Variants in RERE observed in about 807,000 individuals in gnomAD.
RERE encodes arginine-glutamic acid dipeptide repeats, also known as arginine-glutamic acid dipeptide repeats protein.
Under a neutral mutation model 146.1 loss-of-function variants are expected in RERE, and 40 were observed. The ratio of observed to expected loss-of-function variants is 0.27; its 90% CI spans 0.21 to 0.36. RERE has a LOEUF of 0.36. Ranked by LOEUF, RERE falls within the 10% of genes least tolerant of loss-of-function variation. The pLI is 1.00. For missense variants in RERE, 1,933 were observed against 2,138.7 expected, an observed-to-expected ratio of 0.90 and a Z score of 1.90; for synonymous variants, 1,003 against 866.0, an observed-to-expected ratio of 1.16 and a Z score of -2.78.
chr1:8,675,098 C>G (rs1292091382), intron 1 of RERE, among the ~76,000 whole-genome samples: 1 of 152,098 alleles, frequency 6.6e-6, no homozygotes, highest in Non-Finnish European at 1.5e-5. Flanking sequence ...CCATGGGGCC[C>G]TGGGGGAATG....
rs927031761 is a variant in RERE at position 8,498,705 on chromosome 1, A to AT, written c.880-1177_880-1176insA. 7.3e-5 allele frequency among the ~76,000 whole-genome samples: 10 copies of AT among 136,422 alleles called. 1 individual carries two copies. The highest frequency in any genetic ancestry group is 2.0e-4 in the African/African-American group (7 of 34,196). 89.5% of individuals were successfully genotyped at this position (136,422 alleles called of 152,430 possible). ...AGCAAGACTCCATCTCAAAAAAAAAAAAAATAAAAAAAAAAAAATAAATAT... is the reference window on the plus strand; with the variant it reads ...AGCAAGACTCCATCTCAAAAAAAAAATAAAATAAAAAAAAAAAAATAAATAT... On this transcript the variant is annotated intron_variant, in intron 8 of 22. Transcript: ENST00000400908.
intron 19 of RERE, 76 bp from the exon 20 acceptor site, chr1:8,358,992 G>A (rs1453067239): frequency 3.4e-6 from 5 of 1,460,882 alleles, no homozygotes; most frequent in African/African-American, 1.4e-5. Flanking sequence ...GCGGAGGTGG[G>A]CCTGGTCCTG....
At chr1:8,739,067 C>T (rs761692766) in intron 1 of RERE, among the ~76,000 whole-genome samples, 2 of 152,178 alleles carry the variant, frequency 1.3e-5, no homozygotes, top group Non-Finnish European at 2.9e-5. Context: ...AAAGAAACTA[C>T]ATGGTAATTT....
At chr1:8,694,812 G>A (rs745374394) in intron 1 of RERE, among the ~76,000 whole-genome samples, 4 of 151,848 alleles carry the variant, frequency 2.6e-5, no homozygotes, top group Admixed American at 6.6e-5. Flanking sequence ...GATGCTCATA[G>A]ATTGGAAGAA....
intron 7 of RERE, among the ~76,000 whole-genome samples, chr1:8,514,967 C>T (rs1645394692): frequency 6.6e-6 from 1 of 152,100 alleles, no homozygotes; most frequent in Admixed American, 6.5e-5. Context: ...AGGTGCTCTA[C>T]AGTATTATCT....
rs1326991286 is a variant in RERE, at chr1:8,360,120, C to T, written c.3387G>A (p.Gln1129=). 3 of 1,580,622 alleles carry T rather than the reference C, an allele frequency of 1.9e-6. No individual in the cohort carries two copies. Among genetic ancestry groups the T allele is most frequent in the Non-Finnish European group, 8.6e-7 (1 of 1,161,654 alleles). Residue 1129 remains glutamine (Q), a synonymous_variant, in exon 18 of 23, where the codon CAG becomes CAA. Transcript: ENST00000400908. The part of the protein sequence containing the change: ...TVVDTPSHAS[Q]SARFYKHLDR... ...AGCCCTAGGAAGCGTACCTAGCTGA[C>T]TGGCTGGCGTGACTGGGGGTGTCCA... is the stretch of plus-strand genomic sequence containing the variant.
intron 11 of RERE, among the ~76,000 whole-genome samples, chr1:8,454,911 A>G (rs1470907457): frequency 1.3e-5 from 2 of 152,116 alleles, no homozygotes; most frequent in African/African-American, 4.8e-5. Context: ...GTGGCAGCCA[A>G]TCTGAGTACT....
chr1:8,806,395 G>C (rs76058708), intron 1 of RERE, among the ~76,000 whole-genome samples: 3,927 of 152,058 alleles, frequency 0.026, 160 homozygotes, highest in African/African-American at 0.089. Flanking sequence ...GCCAGGTGTG[G>C]TGGTGATCGC....
chr1:8,398,491 TTCTATTA>T (rs1643134349), intron 12 of RERE, among the ~76,000 whole-genome samples: 1 of 152,240 alleles, frequency 6.6e-6, no homozygotes, highest in Non-Finnish European at 1.5e-5. Flanking sequence ...TAAGATCCTC[TTCTATTA>T]ACAACGACCA....
intron 1 of RERE, among the ~76,000 whole-genome samples, chr1:8,748,544 T>C (rs1333960268): frequency 6.6e-6 from 1 of 152,226 alleles, no homozygotes; most frequent in Non-Finnish European, 1.5e-5. Flanking sequence ...CGCAAGTATA[T>C]GGTTAGGAAA....
intron 12 of RERE, among the ~76,000 whole-genome samples, chr1:8,401,039 A>C (rs1932528): frequency 0.27 from 2,042 of 7,696 alleles, 240 homozygotes; most frequent in East Asian, 0.59. Flanking sequence ...AAAAAAAACC[A>C]TATATATATA....
intron 1 of RERE, among the ~76,000 whole-genome samples, chr1:8,697,446 G>A (rs1167390990): frequency 1.5e-5 from 2 of 133,070 alleles, no homozygotes; most frequent in Admixed American, 1.8e-4. Context: ...AGGCTGGAGT[G>A]CAGTGGCGTG....
Position 8,422,647 on chromosome 1 carries a change from C to T in RERE, c.1284+80G>A, listed in dbSNP as rs1027966219. 1.0e-5 allele frequency: 11 copies of T among 1,089,388 alleles called. No individual in the cohort carries two copies. The Admixed American group carries it at 1.9e-4, about 19-fold the overall frequency. 67.5% of individuals were successfully genotyped at this position (1,089,388 alleles called of 1,614,324 possible). A position where few individuals can be genotyped will look rare whatever the true frequency, so the allele number is the denominator to read the frequency against. On this transcript the variant is annotated intron_variant, in intron 12 of 22. Transcript: ENST00000400908. ...AGCACAGCGCAGGGTTAAAGGAAAC[C>T]ATTTCATAAGATCAAATGTGGAGAG... is the stretch of plus-strand genomic sequence containing the variant.
chr1:8,554,100 G>A (rs2124418745), intron 6 of RERE, among the ~76,000 whole-genome samples: 1 of 152,186 alleles, frequency 6.6e-6, no homozygotes, highest in South Asian at 2.1e-4. Flanking sequence ...TGAATCACTT[G>A]AACCCAGGAG....
chr1:8,482,948 AC>A (rs1644855052), intron 10 of RERE, among the ~76,000 whole-genome samples: 1 of 152,248 alleles, frequency 6.6e-6, no homozygotes, highest in African/African-American at 2.4e-5. Context: ...GAAAACCTCA[AC>A]TGCGTGATCT....
At chr1:8,727,173 C>T (rs1639988164) in intron 1 of RERE, among the ~76,000 whole-genome samples, 2 of 151,996 alleles carry the variant, frequency 1.3e-5, no homozygotes, top group African/African-American at 4.8e-5. Flanking sequence ...AAAGGAGTCT[C>T]GCTCTGTAGC....
At position 8,361,459 on chromosome 1, in the gene RERE, C is replaced by T; in HGVS notation, c.2048G>A (p.Gly683Asp). 1 of 1,613,088 alleles carries T rather than the reference C, an allele frequency of 6.2e-7. No individual in the cohort carries two copies. Among genetic ancestry groups the T allele is most frequent in the Non-Finnish European group, 8.5e-7 (1 of 1,179,962 alleles). Residue 683 changes from glycine (G) to aspartate (D), a missense_variant, in exon 18 of 23, where the codon GGT (glycine) becomes GAT (aspartate). Gly to Asp is a moderately conservative substitution (Grantham distance 94, BLOSUM62 -1). This residue lies in a region of RERE where 1,255 missense variants were observed against 1,153.8 expected (regional missense o/e 1.09). Coordinates refer to ENST00000400908, the MANE Select transcript of RERE (RefSeq NM_001042681.2). ...GCGACTGTCTGAACTCTCTCCCTCA[C>T]CTTCAGATGGCGAGTTGGGCCTGCT... is the stretch of plus-strand genomic sequence containing the variant. ...EISRPNSPSE[G>D]EGESSDSRSV...
At chr1:8,617,343 C>CAAAAAAAAAAAAAAAAAAAA (rs58933208) in intron 3 of RERE, among the ~76,000 whole-genome samples, 22 of 80,396 alleles carry the variant, frequency 2.7e-4, no homozygotes, top group Admixed American at 4.2e-4. Context: ...AACTCTGTCT[C>CAAAAAAAAAAAAAAAAAAAA]AAAAAAAAAA....
At chr1:8,786,129 T>A in intron 1 of RERE, 1 of 467,874 alleles carries the variant, frequency 2.1e-6, no homozygotes, top group South Asian at 2.1e-5. Context: ...CTTTCTTTTT[T>A]TTCAACTTGA....
Sources: gnomAD v4.1 joint callset for allele counts (sites outside exome capture counted in the v4.1 genomes callset) on GRCh38, gnomAD v4.1.1 for gene constraint, gnomAD v4.1.1 regional missense constraint, MANE v1.5 for transcripts, NCBI Gene and HGNC (gene_info 2026-07-23, HGNC 2026-07-21) for gene names.